The following PRRT1B variants were observed in gnomAD, a reference collection of about 807,000 sequenced individuals.
The protein encoded by PRRT1B is proline rich transmembrane protein 1B.
rs1312465577 is a variant in PRRT1B, at chr9:131,554,697, G to T, written c.166G>T (p.Glu56Ter). ...CCCGCGCCGCCCGCGGACCCTGGACGAGGACGGGGCGCCCAGCGAGGACGG... is the reference window on the plus strand; with the variant it reads ...CCCGCGCCGCCCGCGGACCCTGGACTAGGACGGGGCGCCCAGCGAGGACGG... Residue 56 changes from glutamate (E) to a stop codon, truncating the protein, a stop_gained, in exon 2 of 4, where the codon GAG (glutamate) becomes TAG (stop). Coordinates refer to ENST00000636672, the Ensembl canonical transcript of PRRT1B. LOFTEE classifies it high-confidence loss of function. 3 of 365,916 alleles carry T rather than the reference G, an allele frequency of 8.2e-6. No homozygotes were observed. The highest frequency in any genetic ancestry group is 6.5e-5 in the African/African-American group (3 of 45,964). The allele number at this position is 365,916 out of a possible 1,614,324, so 22.7% of individuals were successfully genotyped here.
downstream of PRRT1B, among the ~76,000 whole-genome samples, chr9:131,559,260 T>C (rs553106400): frequency 1.3e-5 from 2 of 152,294 alleles, no homozygotes; most frequent in East Asian, 1.9e-4. Context: ...CTGGCCAACA[T>C]GGCGAAGTCC....
At chr9:131,546,781 A>G (rs1050926491) in intron 1 of PRRT1B, among the ~76,000 whole-genome samples, 2 of 152,158 alleles carry the variant, frequency 1.3e-5, no homozygotes, top group African/African-American at 4.8e-5. Context: ...CAGCGCCGCC[A>G]GCAGATTTAT....
In PRRT1B at chr9:131,551,467, G is replaced by A. The variant is rs541713237; in HGVS notation, c.26-3090G>A. Among the ~76,000 whole-genome samples the A allele has an allele frequency of 5.3e-5, 8 of 151,876 alleles. No homozygotes were observed. Among genetic ancestry groups the A allele is most frequent in the Non-Finnish European group, 5.9e-5 (4 of 67,970 alleles). On this transcript the variant is annotated intron_variant, in intron 1 of 3. Transcript: ENST00000636672. This position sits in a 1 kb window ranked among gnomAD's most constrained non-coding sequence, Gnocchi z 4.4. ...TCCATACCACCCCCAAAAAATTTTCGCTGCCCCAACACTTCAACATTATTT... is the reference window on the plus strand; with the variant it reads ...TCCATACCACCCCCAAAAAATTTTCACTGCCCCAACACTTCAACATTATTT...
At position 131,551,232 on chromosome 9, in the gene PRRT1B, G is replaced by A. The variant is rs188962334; in HGVS notation, c.26-3325G>A. Among the ~76,000 whole-genome samples, 1 of 151,886 alleles carries A rather than the reference G, an allele frequency of 6.6e-6. No homozygotes were observed. The highest frequency in any genetic ancestry group is 1.5e-5 in the Non-Finnish European group (1 of 68,000). On this transcript the variant is annotated intron_variant, in intron 1 of 3. Transcript: ENST00000636672. The surrounding 1 kb of genome is among the most constrained non-coding windows in gnomAD (Gnocchi z 4.4). ...GCTGGGATTACGGGTGTGAGCCACCGCGCCCGACCTGCGTTTAGTTTTTCA... is the reference window on the plus strand; with the variant it reads ...GCTGGGATTACGGGTGTGAGCCACCACGCCCGACCTGCGTTTAGTTTTTCA...
chr9:131,546,969 C>T (rs1267364628), intron 1 of PRRT1B, among the ~76,000 whole-genome samples: 1 of 151,004 alleles, frequency 6.6e-6, no homozygotes, highest in African/African-American at 2.5e-5. Flanking sequence ...TCGGTTCCCT[C>T]ATTAGTAAAA....
chr9:131,546,416 G>A (rs974252582), intron 1 of PRRT1B, among the ~76,000 whole-genome samples: 1 of 152,140 alleles, frequency 6.6e-6, no homozygotes, highest in African/African-American at 2.4e-5. Context: ...AGGGGCGGGG[G>A]GCAAGGAACC....
chr9:131,554,200 T>A (rs963076306), intron 1 of PRRT1B, among the ~76,000 whole-genome samples: 101 of 152,202 alleles, frequency 6.6e-4, no homozygotes, highest in African/African-American at 2.3e-3. Context: ...GGACAGCCAA[T>A]CAGGGGCTTC....
At chr9:131,553,725 G>A (rs1588550818) in intron 1 of PRRT1B, among the ~76,000 whole-genome samples, 4 of 152,328 alleles carry the variant, frequency 2.6e-5, no homozygotes, top group Admixed American at 2.6e-4. Flanking sequence ...CTGGCTCTGG[G>A]CTGCCCACTT....
chr9:131,554,157 G>A (rs1459622088), intron 1 of PRRT1B, among the ~76,000 whole-genome samples: 1 of 152,228 alleles, frequency 6.6e-6, no homozygotes, highest in Admixed American at 6.5e-5. Context: ...CATCTCCTCA[G>A]GTAGGCGTCC....
At chr9:131,545,733 A>ACTGGCGGGGCAGGTG (rs1243716807) in intron 1 of PRRT1B, 93 bp downstream of exon 1, 19 of 396,478 alleles carry the variant, frequency 4.8e-5, no homozygotes, top group Middle Eastern at 6.4e-4. Context: ...AGGGGCAGGT[A>ACTGGCGGGGCAGGTG]CTGGCGGGGC....
rs1199644320 is a variant in PRRT1B, at chr9:131,551,805, T to C, written c.26-2752T>C. 2.5e-5 allele frequency among the ~76,000 whole-genome samples: 3 copies of C among 119,256 alleles called. No homozygotes were observed. Among genetic ancestry groups the C allele is most frequent in the Non-Finnish European group, 5.5e-5 (3 of 54,276 alleles). The allele number at this position is 119,256 out of a possible 152,430, so 78.2% of individuals were successfully genotyped here. A position where few individuals can be genotyped will look rare whatever the true frequency, so the allele number is the denominator to read the frequency against. ...AATTTTCCTTTACCTACGCAAATCCTATAAGACGGCCCACCCCATCTCCCT... is the reference window on the plus strand; with the variant it reads ...AATTTTCCTTTACCTACGCAAATCCCATAAGACGGCCCACCCCATCTCCCT... On this transcript the variant is annotated intron_variant, in intron 1 of 3. Transcript: ENST00000636672. The surrounding 1 kb of genome is among the most constrained non-coding windows in gnomAD (Gnocchi z 4.4).
chr9:131,548,745 G>A (rs536560652), intron 1 of PRRT1B, among the ~76,000 whole-genome samples: 4 of 152,174 alleles, frequency 2.6e-5, no homozygotes, highest in Admixed American at 6.5e-5. Flanking sequence ...GCGCCAGGCT[G>A]AGCTAGGTCC....
chr9:131,546,363 C>G (rs576439845), intron 1 of PRRT1B, among the ~76,000 whole-genome samples: 1 of 152,218 alleles, frequency 6.6e-6, no homozygotes, highest in African/African-American at 2.4e-5. Context: ...GCCAAGGCTG[C>G]GACCAACTCG....
At chr9:131,555,148 C>A (rs1025990407) in intron 2 of PRRT1B, 119 bp downstream of exon 2, 3 of 381,104 alleles carry the variant, frequency 7.9e-6, no homozygotes, top group Admixed American at 4.5e-5. Context: ...CCGGGAGGCT[C>A]CCTGGAGGTG....
At chr9:131,552,742 G>A (rs923419897) in intron 1 of PRRT1B, among the ~76,000 whole-genome samples, 16 of 151,090 alleles carry the variant, frequency 1.1e-4, no homozygotes, top group Admixed American at 4.0e-4. Context: ...GTGTGATCTC[G>A]GCTCACTGCA....
At chr9:131,548,303 A>G (rs879218511) in intron 1 of PRRT1B, among the ~76,000 whole-genome samples, 2 of 151,358 alleles carry the variant, frequency 1.3e-5, no homozygotes, top group Non-Finnish European at 2.9e-5. Flanking sequence ...CTCCTTCACT[A>G]TGGGCAACCT....
intron 1 of PRRT1B, among the ~76,000 whole-genome samples, chr9:131,549,223 G>A (rs1372876318): frequency 1.3e-5 from 2 of 152,190 alleles, no homozygotes; most frequent in African/African-American, 2.4e-5. Context: ...AAGTAGCAGT[G>A]TATTTCCGAG....
intron 1 of PRRT1B, among the ~76,000 whole-genome samples, chr9:131,546,518 G>T (rs114406086): frequency 6.6e-6 from 1 of 150,868 alleles, no homozygotes; most frequent in African/African-American, 2.4e-5. Flanking sequence ...CGCACTCCCC[G>T]CCCCCTCATC....
rs576353406 is a variant in PRRT1B at position 131,547,015 on chromosome 9, C to T, written c.25+1375C>T. On this transcript the variant is annotated intron_variant, in intron 1 of 3. Transcript: ENST00000636672. ...AAAAACAAAAGCGCGCCCGAGATGACGCGGGTTACGAAGCAAAAGCTCTCA... is the reference window on the plus strand; with the variant it reads ...AAAAACAAAAGCGCGCCCGAGATGATGCGGGTTACGAAGCAAAAGCTCTCA... Among the ~76,000 whole-genome samples the T allele has an allele frequency of 3.1e-4, 46 of 148,208 alleles. 1 individual carries two copies. Among genetic ancestry groups the T allele is most frequent in the Admixed American group, 1.0e-3 (15 of 14,894 alleles).
Sources: allele counts gnomAD v4.1 joint callset (sites outside exome capture counted in the v4.1 genomes callset), GRCh38; gene constraint gnomAD v4.1.1; non-coding constraint Gnocchi (gnomAD v3.1); transcripts MANE v1.5; gene names NCBI Gene and HGNC (gene_info 2026-07-23, HGNC 2026-07-21).